The following TMEM135 variants were observed in gnomAD, a reference collection of about 807,000 sequenced individuals.
The protein encoded by TMEM135 is transmembrane protein 135.
A neutral mutation model predicts 60.3 loss-of-function variants in TMEM135; 30 were observed. The ratio of observed to expected loss-of-function variants is 0.50; its 90% CI spans 0.37 to 0.68. The LOEUF (loss-of-function observed/expected upper bound fraction) is 0.68. TMEM135 is among the 30% of genes least tolerant of loss of function. The probability of loss-of-function intolerance (pLI) is 0.00; values close to 1 mark genes in which losing one functional copy is unlikely to be tolerated. For missense variants in TMEM135, 468 were observed against 548.8 expected, an observed-to-expected ratio of 0.85 and a Z score of 1.47; for synonymous variants, 190 against 186.7, an observed-to-expected ratio of 1.02 and a Z score of -0.14.
intron 6 of TMEM135, among the ~76,000 whole-genome samples, chr11:87,267,617 A>G (rs1341193253): frequency 2.0e-5 from 3 of 152,264 alleles, no homozygotes; most frequent in Non-Finnish European, 4.4e-5. Context: ...GATACACTAT[A>G]TAAAAACTTC....
At chr11:87,244,334 C>T (rs75543872) in intron 6 of TMEM135, among the ~76,000 whole-genome samples, 2,817 of 59,692 alleles carry the variant, frequency 0.047, 806 homozygotes, top group African/African-American at 0.14. Context: ...TGTCTCTGCC[C>T]GGCTTTGGTA....
At chr11:87,318,262 A>G in intron 13 of TMEM135, 27 bp downstream of exon 13, 2 of 1,455,284 alleles carry the variant, frequency 1.4e-6, no homozygotes, top group African/African-American at 2.8e-5. Flanking sequence ...GAAATGAGAA[A>G]TTGAATGATT....
At chr11:87,155,470 A>G (rs77658706) in intron 4 of TMEM135, among the ~76,000 whole-genome samples, 138 of 152,290 alleles carry the variant, frequency 9.1e-4, no homozygotes, top group African/African-American at 3.1e-3. Flanking sequence ...GTAGAGGTAA[A>G]GGTCTAACTT....
rs7945171 is a variant in TMEM135 at position 87,153,321 on chromosome 11, T to A, written c.397-4020T>A. On this transcript the variant is annotated intron_variant, in intron 4 of 14. Transcript: ENST00000305494. ...TATTTGTACTCAAACATGCCAAGTATGATCCTACCTACAGGCTCTTGTGGT... is the reference window on the plus strand; with the variant it reads ...TATTTGTACTCAAACATGCCAAGTAAGATCCTACCTACAGGCTCTTGTGGT... Among the ~76,000 whole-genome samples, 248 of 152,328 alleles carry A rather than the reference T, an allele frequency of 1.6e-3. 2 individuals carry two copies. The highest frequency in any genetic ancestry group is 5.6e-3 in the African/African-American group (234 of 41,566).
At chr11:87,091,270 A>G (rs1161636961) in intron 3 of TMEM135, 92 bp from the exon 4 acceptor site, 6 of 1,159,188 alleles carry the variant, frequency 5.2e-6, no homozygotes, top group Non-Finnish European at 7.5e-6. Flanking sequence ...AATTTCTGAG[A>G]ATATAATTCT....
chr11:87,100,591 A>G (rs1445596197), intron 4 of TMEM135, among the ~76,000 whole-genome samples: 2 of 152,160 alleles, frequency 1.3e-5, no homozygotes, highest in African/African-American at 4.8e-5. Flanking sequence ...TTTGGAAAAT[A>G]AAGAGGAAAG....
rs150671908 is a variant in TMEM135 at position 87,102,704 on chromosome 11, G to GTATATATATA, written c.396+11318_396+11319insATATATATAT. Among the ~76,000 whole-genome samples the GTATATATATA allele has an allele frequency of 3.3e-4, 44 of 131,650 alleles. No homozygotes were observed. The East Asian group carries it at 9.0e-3, about 27-fold the overall frequency. The allele number at this position is 131,650 out of a possible 152,430, so 86.4% of individuals were successfully genotyped here. A position where few individuals can be genotyped will look rare whatever the true frequency, so the allele number is the denominator to read the frequency against. On this transcript the variant is annotated intron_variant, in intron 4 of 14. Coordinates refer to ENST00000305494, the MANE Select transcript of TMEM135 (RefSeq NM_022918.4). ...TATATATGTGTGTGTATATATATAT[G>GTATATATATA]TATATATATGTATATATATATATGT...
chr11:87,084,268 T>C (rs192923393), intron 3 of TMEM135, among the ~76,000 whole-genome samples: 1 of 152,292 alleles, frequency 6.6e-6, no homozygotes, highest in Admixed American at 6.5e-5. Context: ...TGTTTTCCTA[T>C]AAGAATGATG....
chr11:87,163,988 T>C (rs905639751), intron 5 of TMEM135, among the ~76,000 whole-genome samples: 7 of 148,686 alleles, frequency 4.7e-5, no homozygotes, highest in East Asian at 2.1e-4. Flanking sequence ...TTTTGTAGGA[T>C]GCCTGTTCAC....
intron 4 of TMEM135, among the ~76,000 whole-genome samples, chr11:87,133,327 C>T (rs967127150): frequency 6.6e-6 from 1 of 152,130 alleles, no homozygotes. Context: ...ACGTAACCAT[C>T]ACCACATACT....
chr11:87,189,544 A>G (rs1252958851), intron 5 of TMEM135, among the ~76,000 whole-genome samples: 2 of 152,166 alleles, frequency 1.3e-5, no homozygotes, highest in African/African-American at 2.4e-5. Flanking sequence ...CATGGGTGGC[A>G]TCCCACTGAT....
chr11:87,290,339 A>G (rs1051102741), intron 6 of TMEM135, among the ~76,000 whole-genome samples: 1 of 152,186 alleles, frequency 6.6e-6, no homozygotes, highest in Non-Finnish European at 1.5e-5. Flanking sequence ...ATATCGAGAT[A>G]TTTACTTGAG....
chr11:87,271,469 A>G (rs901789123), intron 6 of TMEM135, among the ~76,000 whole-genome samples: 5 of 152,220 alleles, frequency 3.3e-5, no homozygotes, highest in East Asian at 1.9e-4. Flanking sequence ...ACATACGGCT[A>G]TTGAGCCCTT....
chr11:87,258,213 A>ATTTTTTTT, intron 6 of TMEM135, among the ~76,000 whole-genome samples: 1 of 144,944 alleles, frequency 6.9e-6, no homozygotes. Flanking sequence ...TTTCAGTTGG[A>ATTTTTTTT]ATCACTTTTA....
intron 6 of TMEM135, among the ~76,000 whole-genome samples, chr11:87,245,308 T>C (rs1270882884): frequency 6.9e-6 from 1 of 145,372 alleles, no homozygotes; most frequent in Non-Finnish European, 1.5e-5. Flanking sequence ...GGTGTGGTGC[T>C]GAAAAAAATA....
chr11:87,094,715 C>CGA (rs1857284558), intron 4 of TMEM135: 1 of 203,302 alleles, frequency 4.9e-6, no homozygotes, highest in South Asian at 1.1e-4. Flanking sequence ...TTGTGTCTTT[C>CGA]TGAGCACTCA....
intron 5 of TMEM135, among the ~76,000 whole-genome samples, chr11:87,170,532 A>G (rs1939205086): frequency 6.6e-6 from 1 of 152,142 alleles, no homozygotes; most frequent in Admixed American, 6.5e-5. Flanking sequence ...TTTTCTTTCT[A>G]ACAGTCAGGC....
At chr11:87,168,152 G>T (rs955838508) in intron 5 of TMEM135, among the ~76,000 whole-genome samples, 1 of 152,096 alleles carries the variant, frequency 6.6e-6, no homozygotes. Flanking sequence ...GATCAATGGT[G>T]ATATCTCTTT....
intron 8 of TMEM135, among the ~76,000 whole-genome samples, chr11:87,305,511 C>T (rs1377212531): frequency 1.3e-5 from 2 of 152,146 alleles, no homozygotes; most frequent in African/African-American, 4.8e-5. Context: ...CGGTGGCTCA[C>T]ACCTGTAATC....
Sources: gnomAD v4.1 joint callset for allele counts (sites outside exome capture counted in the v4.1 genomes callset) on GRCh38, gnomAD v4.1.1 for gene constraint, MANE v1.5 for transcripts, NCBI Gene and HGNC (gene_info 2026-07-23, HGNC 2026-07-21) for gene names.